The following TFCP2L1 variants were observed in gnomAD, a reference collection of about 807,000 sequenced individuals.
The protein encoded by TFCP2L1 is transcription factor CP2-like protein 1.
Under a neutral mutation model 72.2 loss-of-function variants are expected in TFCP2L1, and 12 were observed. That is an observed-to-expected ratio of 0.17 (90% CI 0.11 to 0.27). The LOEUF is 0.27. Ranked by LOEUF, TFCP2L1 falls within the 10% of genes least tolerant of loss-of-function variation. The pLI is 1.00. For missense variants in TFCP2L1, 488 were observed against 624.6 expected (o/e 0.78, Z 2.33); for synonymous variants, 260 against 251.0 (o/e 1.04, Z -0.34).
chr2:121,269,247 G>A (rs35247921), intron 2 of TFCP2L1, among the ~76,000 whole-genome samples: 5,201 of 151,940 alleles, frequency 0.034, 137 homozygotes, highest in East Asian at 0.14. Context: ...CCAAGAGTTC[G>A]AGACCAGCCT....
intron 6 of TFCP2L1, among the ~76,000 whole-genome samples, chr2:121,245,642 A>C (rs925491889): frequency 6.6e-6 from 1 of 152,176 alleles, no homozygotes; most frequent in African/African-American, 2.4e-5. Context: ...TGGTCTCCTG[A>C]GTGCAGACTC....
At chr2:121,263,935 AT>A (rs1343106675) in intron 2 of TFCP2L1, among the ~76,000 whole-genome samples, 3 of 152,234 alleles carry the variant, frequency 2.0e-5, no homozygotes, top group Non-Finnish European at 4.4e-5. Context: ...TTGCCAAAAA[AT>A]AAATTTTGAA....
chr2:121,258,874 C>T (rs1686778436), intron 2 of TFCP2L1, among the ~76,000 whole-genome samples: 1 of 151,998 alleles, frequency 6.6e-6, no homozygotes, highest in Non-Finnish European at 1.5e-5. Flanking sequence ...TGTTAAATTC[C>T]CCAATTTGAT....
At chr2:121,264,830 A>G (rs1288641765) in intron 2 of TFCP2L1, among the ~76,000 whole-genome samples, 1 of 152,188 alleles carries the variant, frequency 6.6e-6, no homozygotes, top group Non-Finnish European at 1.5e-5. Flanking sequence ...ACTAAACAAT[A>G]AATAACAACA....
chr2:121,231,202 G>A (rs1686136792), intron 13 of TFCP2L1, among the ~76,000 whole-genome samples: 1 of 152,232 alleles, frequency 6.6e-6, no homozygotes, highest in African/African-American at 2.4e-5. Context: ...TTATTAGGTG[G>A]AAGGGGTCCA....
chr2:121,284,905 G>T, intron 1 of TFCP2L1, 143 bp downstream of exon 1: 2 of 692,870 alleles, frequency 2.9e-6, no homozygotes, highest in Non-Finnish European at 4.1e-6. Context: ...GCGGGACGCT[G>T]GGCGGGTCTC....
In TFCP2L1 at chr2:121,219,529, T is replaced by A. The variant is rs997350728; in HGVS notation, c.*4812A>T. On this transcript the variant is annotated 3_prime_UTR_variant, in exon 15 of 15. Coordinates refer to ENST00000263707, the MANE Select transcript of TFCP2L1 (RefSeq NM_014553.3). ...GACACGATGGACACAATCTGACCCATGTCAAGAAGCATGCCGCCTTGCACT... is the reference window on the plus strand; with the variant it reads ...GACACGATGGACACAATCTGACCCAAGTCAAGAAGCATGCCGCCTTGCACT... The A allele has an allele frequency of 2.6e-5, 4 of 152,240 alleles. No homozygotes were observed. The highest frequency in any genetic ancestry group is 4.4e-5 in the Non-Finnish European group (3 of 68,060). 9.4% of individuals were successfully genotyped at this position (152,240 alleles called of 1,614,324 possible).
At chr2:121,283,298 A>G (rs1687301170) in intron 1 of TFCP2L1, among the ~76,000 whole-genome samples, 1 of 152,198 alleles carries the variant, frequency 6.6e-6, no homozygotes, top group Admixed American at 6.5e-5. Flanking sequence ...CTGCCAAGTG[A>G]GGAGACGACC....
chr2:121,233,077 C>T (rs751481239), intron 12 of TFCP2L1, among the ~76,000 whole-genome samples: 3 of 152,196 alleles, frequency 2.0e-5, no homozygotes, highest in Admixed American at 1.3e-4. Flanking sequence ...CAGCACTCTG[C>T]GTGGCCAAGG....
chr2:121,274,910 G>A (rs1022750103), intron 2 of TFCP2L1, among the ~76,000 whole-genome samples: 1 of 151,166 alleles, frequency 6.6e-6, no homozygotes, highest in Admixed American at 6.6e-5. Flanking sequence ...ACTGCATTCA[G>A]CCTGGGTGAA....
chr2:121,239,163 G>A (rs1437373771), intron 8 of TFCP2L1, among the ~76,000 whole-genome samples: 3 of 152,138 alleles, frequency 2.0e-5, no homozygotes, highest in African/African-American at 7.2e-5. Flanking sequence ...GAGGACCCTA[G>A]CCAGACCCTC....
rs1223976337 is a variant in TFCP2L1, at chr2:121,219,931, C to G, written c.*4410G>C. The G allele has an allele frequency of 2.0e-5, 3 of 152,144 alleles. No individual in the cohort carries two copies. The highest frequency in any genetic ancestry group is 2.9e-5 in the Non-Finnish European group (2 of 68,040). The allele number at this position is 152,144 out of a possible 1,614,324, so 9.4% of individuals were successfully genotyped here. On this transcript the variant is annotated 3_prime_UTR_variant, in exon 15 of 15. Transcript: ENST00000263707. ...CTCATACTGAGCGAGGGTCTGGGAT[C>G]TAGGACCCTGACTCTGGGTTCTCTG...
At chr2:121,253,205 A>G (rs912991661) in intron 2 of TFCP2L1, among the ~76,000 whole-genome samples, 2 of 152,180 alleles carry the variant, frequency 1.3e-5, no homozygotes, top group Non-Finnish European at 2.9e-5. Flanking sequence ...CTCTGGTCAC[A>G]TGCCAGTGAA....
chr2:121,241,324 T>A (rs1343019433), intron 7 of TFCP2L1, among the ~76,000 whole-genome samples: 2 of 151,828 alleles, frequency 1.3e-5, no homozygotes, highest in Non-Finnish European at 2.9e-5. Flanking sequence ...TGAAACCCCG[T>A]CTCTACTAAA....
At chr2:121,236,626 G>A (rs1037327665) in intron 10 of TFCP2L1, among the ~76,000 whole-genome samples, 5 of 152,142 alleles carry the variant, frequency 3.3e-5, no homozygotes, top group African/African-American at 1.2e-4. Context: ...TTTCCACTGG[G>A]AGTAAAAGCC....
At chr2:121,282,349 G>GAAC (rs1687281449) in intron 1 of TFCP2L1, among the ~76,000 whole-genome samples, 9 of 135,236 alleles carry the variant, frequency 6.7e-5, no homozygotes, top group African/African-American at 1.9e-4. Context: ...AAAAAATGAA[G>GAAC]TCATCATCCT....
chr2:121,271,064 C>T (rs1056422934), intron 2 of TFCP2L1, among the ~76,000 whole-genome samples: 2 of 151,746 alleles, frequency 1.3e-5, no homozygotes, highest in Non-Finnish European at 2.9e-5. Flanking sequence ...ATGGCAGGTG[C>T]CTGTAATCCC....
intron 2 of TFCP2L1, among the ~76,000 whole-genome samples, chr2:121,267,874 G>A (rs895978308): frequency 2.6e-5 from 4 of 152,126 alleles, no homozygotes; most frequent in African/African-American, 7.2e-5. Context: ...AATACATTCT[G>A]ATTGGTTTTC....
chr2:121,216,968 T>TGTTGC lies in TFCP2L1; in HGVS notation c.*7372_*7373insGCAAC, dbSNP rs1271386343. 1 of 152,384 alleles carries TGTTGC rather than the reference T, an allele frequency of 6.6e-6. No homozygotes were observed. Among genetic ancestry groups the TGTTGC allele is most frequent in the African/African-American group, 2.4e-5 (1 of 41,464 alleles). The allele number at this position is 152,384 out of a possible 1,614,324, so 9.4% of individuals were successfully genotyped here. ...AGGCACCCCAAACAGTCCCCTTCTCTTCTGTGGTTAACCAAGCAAGCCCCG... is the reference window on the plus strand; with the variant it reads ...AGGCACCCCAAACAGTCCCCTTCTCTGTTGCTCTGTGGTTAACCAAGCAAGCCCCG... On this transcript the variant is annotated 3_prime_UTR_variant, in exon 15 of 15. Transcript: ENST00000263707.
Sources: allele counts gnomAD v4.1 joint callset (sites outside exome capture counted in the v4.1 genomes callset), GRCh38; gene constraint gnomAD v4.1.1; transcripts MANE v1.5; gene names NCBI Gene and HGNC (gene_info 2026-07-23, HGNC 2026-07-21).